Variants in ZNF324B observed in about 807,000 individuals in gnomAD.
ZNF324B encodes zinc finger protein 324B.
A neutral mutation model predicts 10.6 loss-of-function variants in ZNF324B; 7 were observed. The observed-to-expected ratio is 0.66, with a 90% CI of 0.38 to 1.24. ZNF324B has a LOEUF of 1.24. ZNF324B is among the 50% of genes most tolerant of loss of function. The pLI, the probability that ZNF324B is intolerant of heterozygous loss-of-function variation, is 0.02. For missense variants in ZNF324B, 640 were observed against 764.7 expected (o/e 0.84, Z 1.92); for synonymous variants, 316 against 321.0 (o/e 0.98, Z 0.17).
rs765281054 is a variant in ZNF324B at position 58,456,562 on chromosome 19, A to G, written c.1618A>G (p.Lys540Glu). The change falls in exon 4 of 4, where the codon AAG becomes GAG. Residue 540 changes from lysine to glutamate, a missense_variant. Physicochemically the swap from Lys to Glu is moderately conservative, Grantham distance 56. Around this residue, in one of 3 missense-constraint regions of ZNF324B, gnomAD observed 238 missense variants for 258.0 expected, o/e 0.92. Coordinates refer to ENST00000336614, the MANE Select transcript of ZNF324B (RefSeq NM_207395.3). The surrounding 1 kb of genome is among the most constrained non-coding windows in gnomAD (Gnocchi z 4.7). ...GGGAGGGAAGCCAAGCCCAGTCCTG[A>G]AGCCAGCGAAGGTCTGAGGTCACAG... Reference protein sequence around the residue: ...RRGGKPSPVLKPAKV With the variant: ...RRGGKPSPVLEPAKV The G allele has an allele frequency of 6.8e-6, 11 of 1,613,730 alleles. No individual in the cohort carries two copies. The highest frequency in any genetic ancestry group is 1.7e-5 in the Admixed American group (1 of 59,996).
At chr19:58,427,460 T>C in the ZNF324B span, among the ~76,000 whole-genome samples, 177 of 90,956 alleles carry the variant, frequency 1.9e-3, 9 homozygotes, top group African/African-American at 9.2e-3. Flanking sequence ...TTCCCTTCCT[T>C]CCTTCCTTCC....
the ZNF324B span, among the ~76,000 whole-genome samples, chr19:58,427,986 C>G: frequency 6.6e-6 from 1 of 152,234 alleles, no homozygotes; most frequent in Non-Finnish European, 1.5e-5. Context: ...ATATTGGAGA[C>G]ATTACACTCA....
chr19:58,440,698 G>C, the ZNF324B span: 1 of 151,244 alleles, frequency 6.6e-6, no homozygotes, highest in South Asian at 2.1e-4. Context: ...TCCCCACCCT[G>C]TGCCTTAGAT....
In ZNF324B at chr19:58,455,765, A is replaced by C; in HGVS notation, c.821A>C (p.Lys274Thr). ...TTCGTGAAGAGCTCCGACCTCCTCAAGCACCTACGCACCCACACCGGGGAG... is the reference window on the plus strand; with the variant it reads ...TTCGTGAAGAGCTCCGACCTCCTCACGCACCTACGCACCCACACCGGGGAG... ...KVFVKSSDLL[K>T]HLRTHTGERP... The change falls in exon 4 of 4, where the codon AAG becomes ACG. Residue 274 changes from lysine to threonine, a missense_variant. Coordinates refer to ENST00000336614, the MANE Select transcript of ZNF324B (RefSeq NM_207395.3). The surrounding 1 kb of genome is among the most constrained non-coding windows in gnomAD (Gnocchi z 7.0). 1.2e-6 allele frequency: 2 copies of C among 1,614,060 alleles called. No individual in the cohort carries two copies. Among genetic ancestry groups the C allele is most frequent in the Non-Finnish European group, 1.7e-6 (2 of 1,180,014 alleles).
Position 58,454,274 on chromosome 19 carries a change from C to A in ZNF324B, c.168C>A (p.Gly56=), listed in dbSNP as rs753125175. 6.2e-7 allele frequency: 1 copy of A among 1,614,072 alleles called. No homozygotes were observed. The highest frequency in any genetic ancestry group is 1.3e-5 in the African/African-American group (1 of 75,026). Residue 56 remains glycine (G), a synonymous_variant, in exon 3 of 4, where the codon GGC becomes GGA. Transcript: ENST00000336614. ...GTGTGGTCATTCAACTTGAGCGTGG[C>A]GAGGAGCCCTGGGTTCCCAGTGGAA... ...RPRVVIQLER[G]EEPWVPSGKD...
the ZNF324B span, chr19:58,440,398 A>T: frequency 6.5e-6 from 1 of 154,012 alleles, no homozygotes; most frequent in Admixed American, 6.5e-5. Flanking sequence ...CCGAGGAGAC[A>T]GGCACTTCCG....
the ZNF324B span, among the ~76,000 whole-genome samples, chr19:58,427,358 CTTTCTTT>C: frequency 2.4e-3 from 131 of 55,092 alleles, 1 homozygote; most frequent in Admixed American, 9.0e-3. Context: ...TCCTTTCTTT[CTTTCTTT>C]CTTTCTTTCT....
chr19:58,423,252 C>A, the ZNF324B span, among the ~76,000 whole-genome samples: 1 of 152,120 alleles, frequency 6.6e-6, no homozygotes, highest in Admixed American at 6.6e-5. Context: ...CTCTGCCTCC[C>A]GGGGTTCTCG....
chr19:58,456,238 C>G lies in ZNF324B; in HGVS notation c.1294C>G (p.Arg432Gly), dbSNP rs1181255051. 6.2e-7 allele frequency: 1 copy of G among 1,613,044 alleles called. No individual in the cohort carries two copies. The highest frequency in any genetic ancestry group is 8.5e-7 in the Non-Finnish European group (1 of 1,179,846). The change falls in exon 4 of 4, where the codon CGC (arginine) becomes GGC (glycine). Residue 432 changes from arginine to glycine, a missense_variant. Transcript: ENST00000336614. This position sits in a 1 kb window ranked among gnomAD's most constrained non-coding sequence, Gnocchi z 4.7. Reference protein sequence around the residue: ...EKPFACAQCGRSFSRSSNLTQ... With the variant: ...EKPFACAQCGGSFSRSSNLTQ... The stretch of plus-strand genomic sequence containing the variant: ...GCCCTTCGCCTGCGCCCAGTGCGGC[C>G]GCTCCTTTAGCCGCAGCTCCAACCT...
the ZNF324B span, chr19:58,428,865 A>T: frequency 1.3e-5 from 2 of 152,218 alleles, no homozygotes; most frequent in Non-Finnish European, 2.9e-5. Flanking sequence ...TGAACCAGTT[A>T]TGCCTGCCTA....
the ZNF324B span, chr19:58,441,753 GT>G: frequency 6.6e-6 from 1 of 152,466 alleles, no homozygotes; most frequent in Non-Finnish European, 1.5e-5. Flanking sequence ...GGGAAGGAGG[GT>G]TTTAGGTTGG....
At chr19:58,446,573 C>CTCTCTTTTTTTTTT in the ZNF324B span, among the ~76,000 whole-genome samples, 3 of 102,508 alleles carry the variant, frequency 2.9e-5, no homozygotes, top group African/African-American at 4.7e-5. Context: ...ATTTCTTTCT[C>CTCTCTTTTTTTTTT]TTTTTTTTTT....
chr19:58,434,486 CATA>C, the ZNF324B span: 14 of 1,614,208 alleles, frequency 8.7e-6, no homozygotes, highest in South Asian at 5.5e-5. Context: ...GCAATGCACT[CATA>C]ATATTTTACT....
the ZNF324B span, chr19:58,433,254 G>A: frequency 1.3e-6 from 2 of 1,496,080 alleles, no homozygotes; most frequent in Non-Finnish European, 1.8e-6. Context: ...TCTGGTATGG[G>A]GATTCTGCTG....
At chr19:58,421,976 G>T in the ZNF324B span, among the ~76,000 whole-genome samples, 1 of 152,142 alleles carries the variant, frequency 6.6e-6, no homozygotes, top group South Asian at 2.1e-4. Flanking sequence ...GGAGTGCAGT[G>T]GTGCAATCTT....
the ZNF324B span, chr19:58,434,533 G>C: frequency 3.1e-6 from 5 of 1,614,186 alleles, no homozygotes; most frequent in Non-Finnish European, 2.5e-6. Context: ...CCTCAGCTTA[G>C]ATGAGTGACT....
chr19:58,433,540 G>A, the ZNF324B span: 1 of 1,614,144 alleles, frequency 6.2e-7, no homozygotes, highest in Non-Finnish European at 8.5e-7. Context: ...ACTGCTAAAG[G>A]CTCTCCCACA....
the ZNF324B span, chr19:58,434,307 T>A: frequency 6.2e-7 from 1 of 1,613,960 alleles, no homozygotes; most frequent in Non-Finnish European, 8.5e-7. Context: ...CTCTTCCACA[T>A]TTCAGGCACT....
At chr19:58,442,217 G>A in the ZNF324B span, 3 of 138,058 alleles carry the variant, frequency 2.2e-5, no homozygotes, top group African/African-American at 6.1e-5. Context: ...GCCGGACTGC[G>A]GACTGCAGTG....
Sources: allele counts gnomAD v4.1 joint callset (sites outside exome capture counted in the v4.1 genomes callset), GRCh38; gene constraint gnomAD v4.1.1; regional missense constraint gnomAD v4.1.1; non-coding constraint Gnocchi (gnomAD v3.1); transcripts MANE v1.5; gene names NCBI Gene and HGNC (gene_info 2026-07-23, HGNC 2026-07-21).